BATF: variants seen among roughly 807,000 people sequenced by gnomAD.
BATF encodes basic leucine zipper ATF-like transcription factor.
A neutral mutation model predicts 13.7 loss-of-function variants in BATF; 5 were observed. That is an observed-to-expected ratio of 0.36 (90% CI 0.19 to 0.77). The LOEUF (loss-of-function observed/expected upper bound fraction) is 0.77, where lower values mean the gene tolerates loss of function less well. BATF is among the 30% of genes least tolerant of loss of function. The probability of loss-of-function intolerance (pLI) is 0.51; values close to 1 mark genes in which losing one functional copy is unlikely to be tolerated. For missense variants in BATF, 124 were observed against 163.0 expected (o/e 0.76, Z 1.30); for synonymous variants, 72 against 67.5 (o/e 1.07, Z -0.33).
At chr14:75,541,988 C>G (rs1189968301) in intron 2 of BATF, among the ~76,000 whole-genome samples, 2 of 151,956 alleles carry the variant, frequency 1.3e-5, no homozygotes, top group Admixed American at 1.3e-4. Context: ...CTCGGGAGAC[C>G]TTTGCCCACT....
intron 2 of BATF, among the ~76,000 whole-genome samples, chr14:75,539,471 T>A (rs1887865443): frequency 8.1e-6 from 1 of 123,728 alleles, no homozygotes; most frequent in Non-Finnish European, 1.6e-5. Flanking sequence ...TTTCCCAGTC[T>A]TTCTAGAGGA....
chr14:75,528,882 A>T (rs969485361), intron 2 of BATF, among the ~76,000 whole-genome samples: 1 of 152,238 alleles, frequency 6.6e-6, no homozygotes, highest in African/African-American at 2.4e-5. Context: ...GGAAGGAAAG[A>T]TCCTGTTTAT....
Position 75,522,600 on chromosome 14 carries a change from G to A in BATF, c.-83G>A. 6.5e-7 allele frequency: 1 copy of A among 1,537,198 alleles called. No homozygotes were observed. Among genetic ancestry groups the A allele is most frequent in the South Asian group, 1.1e-5 (1 of 89,192 alleles). On this transcript the variant is annotated 5_prime_UTR_variant, in exon 1 of 3. Coordinates refer to ENST00000286639, the MANE Select transcript of BATF (RefSeq NM_006399.5). ...GGGGTGGTGGGCTGGTGGCCCAGGA[G>A]AAGTCAGGAAGGGAGCCCAGCTGGT...
rs74845731 is a variant in BATF at position 75,542,015 on chromosome 14, C to T, written c.169-4447C>T. Among the ~76,000 whole-genome samples the T allele has an allele frequency of 3.4e-4, 51 of 152,212 alleles. No homozygotes were observed. The East Asian group carries it at 8.9e-3, about 27-fold the overall frequency. ...TTGCCCACTCAAGTCTCCAGTCTCT[C>T]GGGGGAAGCAGTCAGTGTGAGAGAA... On this transcript the variant is annotated intron_variant, in intron 2 of 2. Coordinates refer to ENST00000286639, the MANE Select transcript of BATF (RefSeq NM_006399.5).
In BATF at chr14:75,538,819, T is replaced by C. The variant is rs562543711; in HGVS notation, c.169-7643T>C. ...GGGAGGCTGAGGCAGGAGAATGGCA[T>C]GAACCCGGGAGGCGGAGCTTGCAAT... On this transcript the variant is annotated intron_variant, in intron 2 of 2. Coordinates refer to ENST00000286639, the MANE Select transcript of BATF (RefSeq NM_006399.5). Among the ~76,000 whole-genome samples, 410 of 152,308 alleles carry C rather than the reference T, an allele frequency of 2.7e-3. 2 individuals carry two copies. The highest frequency in any genetic ancestry group is 8.8e-3 in the African/African-American group (368 of 41,588).
chr14:75,542,566 C>G (rs970424618), intron 2 of BATF, among the ~76,000 whole-genome samples: 2 of 152,212 alleles, frequency 1.3e-5, no homozygotes, highest in African/African-American at 4.8e-5. Flanking sequence ...ATGACTGCCC[C>G]AAGGAGGGCC....
In BATF at chr14:75,537,470, C is replaced by A. The variant is rs116286221; in HGVS notation, c.169-8992C>A. ...TGGCAGTCAAGCAACGTGATTTGAT[C>A]GAACACTTACTCTATGGCAGGCACT... On this transcript the variant is annotated intron_variant, in intron 2 of 2. Transcript: ENST00000286639. Among the ~76,000 whole-genome samples the A allele has an allele frequency of 2.2e-3, 335 of 152,254 alleles. 2 individuals carry two copies. The highest frequency in any genetic ancestry group is 7.6e-3 in the African/African-American group (317 of 41,530).
Position 75,525,149 on chromosome 14 carries a change from C to T in BATF, c.129C>T (p.Ser43=), listed in dbSNP as rs765064309. The T allele has an allele frequency of 1.7e-5, 28 of 1,614,018 alleles. No homozygotes were observed. Among genetic ancestry groups the T allele is most frequent in the Non-Finnish European group, 2.3e-5 (27 of 1,179,972 alleles). Residue 43 remains serine (S), a synonymous_variant, in exon 2 of 3, where the codon AGC becomes AGT. Transcript: ENST00000286639. The part of the protein sequence containing the change: ...REKNRIAAQK[S]RQRQTQKADT... ...AAAATCGTATTGCCGCCCAGAAGAG[C>T]CGACAGAGGCAGACACAGAAGGCCG... is the stretch of plus-strand genomic sequence containing the variant.
intron 2 of BATF, among the ~76,000 whole-genome samples, chr14:75,533,911 T>C (rs1887778892): frequency 6.6e-6 from 1 of 152,194 alleles, no homozygotes; most frequent in Non-Finnish European, 1.5e-5. Flanking sequence ...TGCTTTTGTT[T>C]CATGCCACTT....
At chr14:75,530,709 A>T (rs1447596710) in intron 2 of BATF, among the ~76,000 whole-genome samples, 1 of 152,126 alleles carries the variant, frequency 6.6e-6, no homozygotes, top group Non-Finnish European at 1.5e-5. Context: ...GGGTCTCACT[A>T]TGTTGCCCAG....
rs201628580 is a variant in BATF at position 75,525,595 on chromosome 14, G to GT, written c.168+409dup. Among the ~76,000 whole-genome samples, 454 of 150,716 alleles carry GT rather than the reference G, an allele frequency of 3.0e-3. 11 individuals are homozygous for GT. The highest frequency in any genetic ancestry group is 0.026 in the Admixed American group (391 of 15,136). On this transcript the variant is annotated intron_variant, in intron 2 of 2. Coordinates refer to ENST00000286639, the MANE Select transcript of BATF (RefSeq NM_006399.5). Reference sequence around the variant, plus strand: ...AGGAGAATCACTTGAACAGGCAGAGGTTGCAGTGAGCCGAGATCGCGCCAT... The same window carrying GT: ...AGGAGAATCACTTGAACAGGCAGAGGTTTGCAGTGAGCCGAGATCGCGCCAT...
intron 2 of BATF, among the ~76,000 whole-genome samples, chr14:75,530,987 A>AT (rs1298548591): frequency 2.0e-5 from 3 of 152,282 alleles, no homozygotes; most frequent in Admixed American, 1.3e-4. Context: ...ACAGTTTGGG[A>AT]TTTTTTATCA....
chr14:75,526,907 CT>C (rs1253109743), intron 2 of BATF, among the ~76,000 whole-genome samples: 5 of 152,202 alleles, frequency 3.3e-5, no homozygotes, highest in African/African-American at 1.2e-4. Context: ...TAAAATCTTC[CT>C]TGTGTACAAG....
At chr14:75,533,628 T>C (rs1457071323) in intron 2 of BATF, among the ~76,000 whole-genome samples, 6 of 152,052 alleles carry the variant, frequency 3.9e-5, no homozygotes, top group African/African-American at 1.2e-4. Flanking sequence ...CTCCCCTCTT[T>C]TGAACTTAGT....
chr14:75,546,430 C>T (rs748804048), intron 2 of BATF, 32 bp from the exon 3 acceptor site: 3 of 1,610,716 alleles, frequency 1.9e-6, no homozygotes, highest in Non-Finnish European at 2.5e-6. Context: ...TTCCTAGACA[C>T]TAACCTCCGG....
In BATF at chr14:75,522,847, G is replaced by C. The variant is rs1463773895; in HGVS notation, c.63+102G>C. 9 of 1,433,902 alleles carry C rather than the reference G, an allele frequency of 6.3e-6. No homozygotes were observed. In the Admixed American group the frequency reaches 1.6e-4, roughly 26 times the overall value. 88.8% of individuals were successfully genotyped at this position (1,433,902 alleles called of 1,614,324 possible). On this transcript the variant is annotated intron_variant, in intron 1 of 2. Coordinates refer to ENST00000286639, the MANE Select transcript of BATF (RefSeq NM_006399.5). ...GCCCAGGGAGCTGAGGATGGAGGAA[G>C]TGGCTCGTTGCACGGGCACTCTGTT...
intron 1 of BATF, among the ~76,000 whole-genome samples, chr14:75,524,149 C>T (rs929239398): frequency 3.9e-5 from 6 of 152,176 alleles, no homozygotes; most frequent in African/African-American, 1.4e-4. Flanking sequence ...AGGACTCCTA[C>T]ACCTACACTG....
rs759575309 is a variant in BATF at position 75,522,704 on chromosome 14, A to T, written c.22A>T (p.Ser8Cys). The T allele has an allele frequency of 6.2e-7, 1 of 1,614,056 alleles. No homozygotes were observed. Among genetic ancestry groups the T allele is most frequent in the Non-Finnish European group, 8.5e-7 (1 of 1,180,036 alleles). The change falls in exon 1 of 3, where the codon AGT becomes TGT. Residue 8 changes from serine (S) to cysteine (C), a missense_variant. Around this residue, in one of 2 missense-constraint regions of BATF, gnomAD observed 65 missense variants for 113.3 expected, o/e 0.57. Transcript: ENST00000286639. MPHSSDS[S>C]DSSFSRSPPP... The stretch of plus-strand genomic sequence containing the variant: ...AGCCATGCCTCACAGCTCCGACAGC[A>T]GTGACTCCAGCTTCAGCCGCTCTCC...
At chr14:75,528,843 T>C (rs142491024) in intron 2 of BATF, among the ~76,000 whole-genome samples, 56 of 152,268 alleles carry the variant, frequency 3.7e-4, no homozygotes, top group African/African-American at 1.3e-3. Flanking sequence ...CGTTCCTATA[T>C]GCAAAACATA....
Sources: gnomAD v4.1 joint callset for allele counts (sites outside exome capture counted in the v4.1 genomes callset) on GRCh38, gnomAD v4.1.1 for gene constraint, gnomAD v4.1.1 regional missense constraint, MANE v1.5 for transcripts, NCBI Gene and HGNC (gene_info 2026-07-23, HGNC 2026-07-21) for gene names.